Variants in CAMTA1 observed in about 807,000 individuals in gnomAD.
The protein encoded by CAMTA1 is calmodulin-binding transcription activator 1.
CAMTA1 carries 27 observed loss-of-function variants against 170.9 expected under a neutral mutation model. The ratio of observed to expected loss-of-function variants is 0.16; its 90% CI spans 0.12 to 0.22. CAMTA1 has a LOEUF of 0.22. Ranked by LOEUF, CAMTA1 falls within the 10% of genes least tolerant of loss-of-function variation. The pLI is 1.00. For missense variants in CAMTA1, 1,619 were observed against 2,217.2 expected (o/e 0.73, Z 5.42); for synonymous variants, 833 against 891.5 (o/e 0.93, Z 1.17).
intron 5 of CAMTA1, among the ~76,000 whole-genome samples, chr1:7,324,438 G>A (rs1678965253): frequency 1.3e-5 from 2 of 152,034 alleles, no homozygotes; most frequent in Non-Finnish European, 1.5e-5. Context: ...AGAATTGAAT[G>A]TATGTACTTT....
At position 7,333,326 on chromosome 1, in the gene CAMTA1, C is replaced by G. The variant is rs55750952; in HGVS notation, c.438+83700C>G. Among the ~76,000 whole-genome samples the G allele has an allele frequency of 8.8e-3, 1,347 of 152,222 alleles. 15 individuals carry two copies. The highest frequency in any genetic ancestry group is 0.031 in the African/African-American group (1,285 of 41,530). On this transcript the variant is annotated intron_variant, in intron 5 of 22. Transcript: ENST00000303635. The surrounding 1 kb of genome is among the most constrained non-coding windows in gnomAD (Gnocchi z 4.4). Reference sequence around the variant, plus strand: ...AGTTGAACCTAGTTGTCATTCCTGCCGGTGAGGGAGAGACCCGCAGGGGAG... The same window carrying G: ...AGTTGAACCTAGTTGTCATTCCTGCGGGTGAGGGAGAGACCCGCAGGGGAG...
At chr1:7,542,258 G>A (rs2094621390) in intron 6 of CAMTA1, among the ~76,000 whole-genome samples, 1 of 149,206 alleles carries the variant, frequency 6.7e-6, no homozygotes. Flanking sequence ...TTTCCTGCCA[G>A]TTTGTTGTTG....
rs1010675703 is a variant in CAMTA1, at chr1:7,001,618, A to G, written c.235-89686A>G. ...TGGTCTCCCTAGGATGTCTCCAACA[A>G]GCACATGTCCCGGATTTCACGTCTT... On this transcript the variant is annotated intron_variant, in intron 3 of 22. Transcript: ENST00000303635. Among the ~76,000 whole-genome samples the G allele has an allele frequency of 9.9e-5, 15 of 152,212 alleles. 1 individual carries two copies. The highest frequency in any genetic ancestry group is 3.6e-4 in the African/African-American group (15 of 41,460).
chr1:6,990,799 C>CTATA (rs1294685989), intron 3 of CAMTA1, among the ~76,000 whole-genome samples: 1 of 129,150 alleles, frequency 7.7e-6, no homozygotes, highest in South Asian at 2.4e-4. Flanking sequence ...CTCTCTCTCT[C>CTATA]TCTCTCTATA....
At chr1:6,811,428 C>CT (rs1456553528) in intron 1 of CAMTA1, among the ~76,000 whole-genome samples, 1 of 152,128 alleles carries the variant, frequency 6.6e-6, no homozygotes. Context: ...AGAGAGTTTA[C>CT]TTTTATGATA....
chr1:7,494,922 C>T (rs1725269), intron 6 of CAMTA1, among the ~76,000 whole-genome samples: 99,829 of 152,008 alleles, frequency 0.66, 33,986 homozygotes, highest in African/African-American at 0.83. Flanking sequence ...AGGAAGAGGA[C>T]GCTGACCCTT....
At chr1:6,883,517 G>A (rs1672220064) in intron 3 of CAMTA1, among the ~76,000 whole-genome samples, 2 of 152,212 alleles carry the variant, frequency 1.3e-5, no homozygotes, top group East Asian at 1.9e-4. Context: ...GTGGAGGGAG[G>A]AGGCATAAGG....
intron 5 of CAMTA1, among the ~76,000 whole-genome samples, chr1:7,354,218 G>T (rs2084922221): frequency 6.8e-6 from 1 of 147,580 alleles, no homozygotes; most frequent in Non-Finnish European, 1.5e-5. Flanking sequence ...GCACGATCTT[G>T]GCTCACTGCA....
intron 3 of CAMTA1, among the ~76,000 whole-genome samples, chr1:6,951,139 A>C (rs1688413488): frequency 6.6e-6 from 1 of 152,178 alleles, no homozygotes; most frequent in Non-Finnish European, 1.5e-5. Context: ...TAGAGGAGGG[A>C]AATGTGTTTG....
intron 6 of CAMTA1, among the ~76,000 whole-genome samples, chr1:7,574,512 AT>A (rs1228202140): frequency 6.6e-6 from 1 of 152,116 alleles, no homozygotes; most frequent in Non-Finnish European, 1.5e-5. Context: ...CAGGCCGGTC[AT>A]TTTGCCAGTG....
intron 3 of CAMTA1, chr1:7,008,673 G>A (rs562490991): frequency 7.2e-5 from 11 of 152,274 alleles, no homozygotes; most frequent in Non-Finnish European, 1.2e-4. Context: ...TTCATAAGGC[G>A]TTGGGACCCC....
intron 3 of CAMTA1, among the ~76,000 whole-genome samples, chr1:7,031,000 A>AT: frequency 8.7e-6 from 1 of 115,108 alleles, no homozygotes. Flanking sequence ...ATGCCCAGCT[A>AT]ATTTTTTTTT....
chr1:7,767,843 C>CA lies in CAMTA1; in HGVS notation c.*1365dup, dbSNP rs34335657. 8,944 of 136,214 alleles carry CA rather than the reference C, an allele frequency of 0.066. 846 individuals are homozygous for CA. The highest frequency in any genetic ancestry group is 0.2 in the African/African-American group (7,509 of 36,802). 8.4% of individuals were successfully genotyped at this position (136,214 alleles called of 1,614,324 possible). On this transcript the variant is annotated 3_prime_UTR_variant, in exon 23 of 23. Transcript: ENST00000303635. Reference sequence around the variant, plus strand: ...ATTTTGCTAAAGCATGACTAAACTGCAAAAAAAAAAAAAGAGCTACTGTAT... The same window carrying CA: ...ATTTTGCTAAAGCATGACTAAACTGCAAAAAAAAAAAAAAGAGCTACTGTAT...
intron 3 of CAMTA1, among the ~76,000 whole-genome samples, chr1:7,076,618 G>T (rs1247656026): frequency 6.6e-6 from 1 of 152,124 alleles, no homozygotes; most frequent in Non-Finnish European, 1.5e-5. Context: ...ACCAATTTTA[G>T]TTTGAACTAA....
chr1:7,519,891 C>T lies in CAMTA1; in HGVS notation c.510+51990C>T, dbSNP rs935011781. On this transcript the variant is annotated intron_variant, in intron 6 of 22. Coordinates refer to ENST00000303635, the MANE Select transcript of CAMTA1 (RefSeq NM_015215.4). ...ACAGCCACCACCCTCCTGGGGCTTC[C>T]TCACCTCTCTCTTTGACTACTGCCT... 5.9e-5 allele frequency among the ~76,000 whole-genome samples: 9 copies of T among 151,626 alleles called. No individual in the cohort carries two copies. In the East Asian group the frequency reaches 9.7e-4, roughly 16 times the overall value.
At chr1:7,211,591 G>A (rs7514988) in intron 4 of CAMTA1, among the ~76,000 whole-genome samples, 80,720 of 151,992 alleles carry the variant, frequency 0.53, 21,952 homozygotes, top group East Asian at 0.61. Context: ...CTTTGCACCC[G>A]TCATTCTTTG....
rs1315003258 is a variant in CAMTA1, at chr1:7,014,482, C to A, written c.235-76822C>A. Reference sequence around the variant, plus strand: ...AACTCCTTTTTGCTCCCTGCCCCAGCCTGCCCCATTAGACAGGGCATGGTG... The same window carrying A: ...AACTCCTTTTTGCTCCCTGCCCCAGACTGCCCCATTAGACAGGGCATGGTG... On this transcript the variant is annotated intron_variant, in intron 3 of 22. Coordinates refer to ENST00000303635, the MANE Select transcript of CAMTA1 (RefSeq NM_015215.4). This position sits in a 1 kb window ranked among gnomAD's most constrained non-coding sequence, Gnocchi z 4.2. Among the ~76,000 whole-genome samples the A allele has an allele frequency of 1.3e-5, 2 of 152,228 alleles. No individual in the cohort carries two copies. Among genetic ancestry groups the A allele is most frequent in the African/African-American group, 4.8e-5 (2 of 41,460 alleles).
chr1:6,785,528 A>G lies in CAMTA1; in HGVS notation c.-3A>G. On this transcript the variant is annotated 5_prime_UTR_variant, in exon 1 of 23. Coordinates refer to ENST00000303635, the MANE Select transcript of CAMTA1 (RefSeq NM_015215.4). The stretch of plus-strand genomic sequence containing the variant: ...CGGGGTCCCGGTCGCGAGGAGGAGG[A>G]GGATGTGGCGCGCGGAGGGGAAATG... 1 of 1,067,970 alleles carries G rather than the reference A, an allele frequency of 9.4e-7. No homozygotes were observed. The highest frequency in any genetic ancestry group is 4.3e-5 in the Admixed American group (1 of 23,132). The allele number at this position is 1,067,970 out of a possible 1,614,324, so 66.2% of individuals were successfully genotyped here. A position where few individuals can be genotyped will look rare whatever the true frequency, so the allele number is the denominator to read the frequency against.
intron 3 of CAMTA1, among the ~76,000 whole-genome samples, chr1:6,990,803 C>A (rs867518440): frequency 0.024 from 3,080 of 129,524 alleles, 30 homozygotes; most frequent in Middle Eastern, 0.056. Flanking sequence ...CTCTCTCTCT[C>A]TCTATATATA....
Sources: gnomAD v4.1 joint callset for allele counts (sites outside exome capture counted in the v4.1 genomes callset) on GRCh38, gnomAD v4.1.1 for gene constraint, Gnocchi (gnomAD v3.1) non-coding constraint, MANE v1.5 for transcripts, NCBI Gene and HGNC (gene_info 2026-07-23, HGNC 2026-07-21) for gene names.